Variants in ADAM12 observed in about 807,000 individuals in gnomAD.
ADAM12 encodes ADAM metallopeptidase domain 12.
Under a neutral mutation model 106.4 loss-of-function variants are expected in ADAM12, and 70 were observed. The ratio of observed to expected loss-of-function variants is 0.66; its 90% confidence interval spans 0.54 to 0.80. The LOEUF (loss-of-function observed/expected upper bound fraction) is 0.80, where lower values mean the gene tolerates loss of function less well. Ranked by LOEUF, ADAM12 falls within the 30% of genes least tolerant of loss-of-function variation. The pLI is 0.00. For synonymous variants in ADAM12, 420 were observed against 433.5 expected, an observed-to-expected ratio of 0.97 and a Z score of 0.39; for missense variants, 1,010 against 1,171.9, an observed-to-expected ratio of 0.86 and a Z score of 2.02.
intron 1 of ADAM12, among the ~76,000 whole-genome samples, chr10:126,345,100 C>T (rs1855085846): frequency 6.6e-6 from 1 of 152,128 alleles, no homozygotes; most frequent in Non-Finnish European, 1.5e-5. Flanking sequence ...CTGTCTTGTG[C>T]CAGTTTTGAA....
At chr10:126,381,959 T>C (rs1407549860) in intron 1 of ADAM12, among the ~76,000 whole-genome samples, 2 of 135,716 alleles carry the variant, frequency 1.5e-5, no homozygotes, top group Admixed American at 1.6e-4. Context: ...TGGGTGACAA[T>C]GCAAGACCCT....
intron 1 of ADAM12, among the ~76,000 whole-genome samples, chr10:126,343,040 A>G (rs1246530437): frequency 6.6e-6 from 1 of 151,632 alleles, no homozygotes; most frequent in Non-Finnish European, 1.5e-5. Flanking sequence ...CAATCATTAT[A>G]TTTTTTTCTT....
intron 1 of ADAM12, among the ~76,000 whole-genome samples, chr10:126,376,892 A>C (rs375098815): frequency 6.6e-6 from 1 of 152,312 alleles, no homozygotes; most frequent in African/African-American, 2.4e-5. Flanking sequence ...TGTTCAAAGC[A>C]CTGTATATGT....
chr10:126,311,016 C>G (rs1961060474), intron 2 of ADAM12, among the ~76,000 whole-genome samples: 1 of 151,910 alleles, frequency 6.6e-6, no homozygotes, highest in Admixed American at 6.6e-5. Flanking sequence ...GATGCCTCCT[C>G]TGAGCTGAGC....
chr10:126,174,008 ATTTTTTTTTTT>A lies in ADAM12; in HGVS notation c.261-18714_261-18704del, dbSNP rs200354475. Among the ~76,000 whole-genome samples the A allele has an allele frequency of 6.1e-3, 550 of 90,460 alleles. 3 individuals carry two copies. Among genetic ancestry groups the A allele is most frequent in the East Asian group, 0.016 (60 of 3,842 alleles). The allele number at this position is 90,460 out of a possible 152,430, so 59.3% of individuals were successfully genotyped here. A position where few individuals can be genotyped will look rare whatever the true frequency, so the allele number is the denominator to read the frequency against. ...TTTTATCCAGATTCATCTGTTGTTG[ATTTTTTTTTTT>A]TTTTTTTTTTTTTTTTTGAGATAGA... On this transcript the variant is annotated intron_variant, in intron 3 of 22. Transcript: ENST00000448723.
intron 2 of ADAM12, among the ~76,000 whole-genome samples, chr10:126,290,466 T>C (rs1208990076): frequency 6.6e-6 from 1 of 152,172 alleles, no homozygotes; most frequent in Admixed American, 6.5e-5. Flanking sequence ...CTGACTTAAT[T>C]AGTATGATCG....
intron 14 of ADAM12, among the ~76,000 whole-genome samples, chr10:126,060,350 C>T (rs943261683): frequency 5.9e-5 from 9 of 152,166 alleles, no homozygotes; most frequent in African/African-American, 1.7e-4. Flanking sequence ...GTGTTTGGGT[C>T]GCCAGATCTG....
intron 3 of ADAM12, among the ~76,000 whole-genome samples, chr10:126,201,209 C>T (rs1454862888): frequency 6.6e-6 from 1 of 152,122 alleles, no homozygotes; most frequent in East Asian, 1.9e-4. Flanking sequence ...CTTCCCGGCA[C>T]CTGTGATGGT....
intron 6 of ADAM12, among the ~76,000 whole-genome samples, chr10:126,117,487 C>T (rs572372677): frequency 6.6e-6 from 1 of 152,326 alleles, no homozygotes; most frequent in Admixed American, 6.5e-5. Flanking sequence ...AGCAAGATTC[C>T]TGAGCCACAT....
intron 4 of ADAM12, among the ~76,000 whole-genome samples, chr10:126,148,304 G>A (rs999825134): frequency 6.6e-6 from 1 of 152,186 alleles, no homozygotes; most frequent in African/African-American, 2.4e-5. Context: ...TTCCCTGTGT[G>A]CTGACTTGAG....
chr10:126,199,612 C>T (rs569660844), intron 3 of ADAM12, among the ~76,000 whole-genome samples: 4 of 152,202 alleles, frequency 2.6e-5, no homozygotes, highest in South Asian at 2.1e-4. Flanking sequence ...TGTCTCGGAC[C>T]GTCTTACACA....
At chr10:126,120,885 T>C (rs1286821342) in intron 5 of ADAM12, among the ~76,000 whole-genome samples, 4 of 135,376 alleles carry the variant, frequency 3.0e-5, no homozygotes, top group Non-Finnish European at 4.7e-5. Flanking sequence ...TAATACACAA[T>C]ATATAATAAT....
chr10:126,280,172 G>A (rs1269639496), intron 2 of ADAM12, among the ~76,000 whole-genome samples: 1 of 151,936 alleles, frequency 6.6e-6, no homozygotes, highest in African/African-American at 2.4e-5. Flanking sequence ...ATTAGTTAAA[G>A]TAAAACAGAA....
intron 2 of ADAM12, among the ~76,000 whole-genome samples, chr10:126,328,864 C>T (rs1590787897): frequency 6.6e-6 from 1 of 152,260 alleles, no homozygotes; most frequent in Middle Eastern, 3.4e-3. Flanking sequence ...ATGCTTGTGA[C>T]CCACAAGCAC....
chr10:126,237,946 C>T (rs4962321), intron 3 of ADAM12, among the ~76,000 whole-genome samples: 19,874 of 152,018 alleles, frequency 0.13, 1,545 homozygotes, highest in African/African-American at 0.22. Flanking sequence ...AGTGACACAC[C>T]GTTTGTTGAA....
intron 1 of ADAM12, among the ~76,000 whole-genome samples, chr10:126,370,935 T>A (rs2133919790): frequency 6.6e-6 from 1 of 152,350 alleles, no homozygotes; most frequent in Admixed American, 6.5e-5. Context: ...TAGGGATATT[T>A]TAACCACATA....
rs772538974 is a variant in ADAM12 at position 126,019,838 on chromosome 10, T to C, written c.2530-13A>G. The C allele has an allele frequency of 1.9e-6, 3 of 1,609,574 alleles. No individual in the cohort carries two copies. Among genetic ancestry groups the C allele is most frequent in the Non-Finnish European group, 2.5e-6 (3 of 1,177,782 alleles). On this transcript the variant is annotated splice_polypyrimidine_tract_variant and intron_variant, in intron 21 of 22. Coordinates refer to ENST00000448723, the MANE Select transcript of ADAM12 (RefSeq NM_001288973.2). ...GCTTACAGGTCCCCTGCAATAAACA[T>C]AGGGTTAGGCAGGGTCACTTACCAG...
At chr10:126,150,468 T>C (rs1462405553) in intron 4 of ADAM12, among the ~76,000 whole-genome samples, 1 of 152,182 alleles carries the variant, frequency 6.6e-6, no homozygotes, top group African/African-American at 2.4e-5. Flanking sequence ...TCATCTCCTC[T>C]GCCTTCCAAC....
At chr10:126,093,628 T>C (rs1476375862) in intron 11 of ADAM12, among the ~76,000 whole-genome samples, 1 of 152,218 alleles carries the variant, frequency 6.6e-6, no homozygotes, top group Non-Finnish European at 1.5e-5. Flanking sequence ...GCCCAGGCTT[T>C]CAGATGGCTG....
Sources: gnomAD v4.1 joint callset for allele counts (sites outside exome capture counted in the v4.1 genomes callset) on GRCh38, gnomAD v4.1.1 for gene constraint, MANE v1.5 for transcripts, NCBI Gene and HGNC (gene_info 2026-07-23, HGNC 2026-07-21) for gene names.